Variants in CSMD1 observed in about 807,000 individuals in gnomAD.
CSMD1 encodes CUB and sushi domain-containing protein 1.
A neutral mutation model predicts 417.5 loss-of-function variants in CSMD1; 213 were observed. The ratio of observed to expected loss-of-function variants is 0.51; its 90% CI spans 0.46 to 0.57. CSMD1 has a LOEUF of 0.57. Ranked by LOEUF, CSMD1 falls within the 20% of genes least tolerant of loss-of-function variation. The pLI, the probability that CSMD1 is intolerant of heterozygous loss-of-function variation, is 0.00. For synonymous variants in CSMD1, 2,862 were observed against 1,736.8 expected (o/e 1.65, Z -16.11); for missense variants, 6,923 against 4,529.7 (o/e 1.53, Z -15.17).
At chr8:4,161,032 G>T (rs78720945) in intron 3 of CSMD1, among the ~76,000 whole-genome samples, 1 of 151,712 alleles carries the variant, frequency 6.6e-6, no homozygotes, top group Admixed American at 6.6e-5. Flanking sequence ...ATTAAATCAC[G>T]GCACTTCTTA....
chr8:3,180,640 G>C (rs991520578), intron 37 of CSMD1, among the ~76,000 whole-genome samples: 1 of 151,958 alleles, frequency 6.6e-6, no homozygotes, highest in Non-Finnish European at 1.5e-5. Context: ...TCTTTTGTTT[G>C]TTTGTTTGTT....
intron 1 of CSMD1, among the ~76,000 whole-genome samples, chr8:4,657,130 C>A (rs1392872113): frequency 1.3e-5 from 2 of 152,158 alleles, no homozygotes; most frequent in Non-Finnish European, 2.9e-5. Flanking sequence ...TCCAAAACAT[C>A]CCTGCATAGT....
At chr8:4,385,762 G>A (rs1384567273) in intron 3 of CSMD1, among the ~76,000 whole-genome samples, 1 of 152,172 alleles carries the variant, frequency 6.6e-6, no homozygotes, top group Non-Finnish European at 1.5e-5. Flanking sequence ...AGGAATTCAT[G>A]TCGATTGTAA....
intron 10 of CSMD1, among the ~76,000 whole-genome samples, chr8:3,548,403 G>C (rs955902364): frequency 2.0e-5 from 3 of 152,024 alleles, no homozygotes; most frequent in South Asian, 2.1e-4. Context: ...CACCTGAGCA[G>C]TATACACTGC....
At chr8:4,172,959 A>C (rs987143391) in intron 3 of CSMD1, among the ~76,000 whole-genome samples, 1 of 152,158 alleles carries the variant, frequency 6.6e-6, no homozygotes, top group Admixed American at 6.5e-5. Context: ...GGGCTGAGGC[A>C]GGCAGCTAAA....
At chr8:4,718,921 G>A (rs1401172673) in intron 1 of CSMD1, among the ~76,000 whole-genome samples, 3 of 151,950 alleles carry the variant, frequency 2.0e-5, no homozygotes, top group East Asian at 1.9e-4. Context: ...TAAAAAATGA[G>A]AATGTTCATT....
chr8:4,671,276 T>A (rs1289717630), intron 1 of CSMD1, among the ~76,000 whole-genome samples: 1 of 152,240 alleles, frequency 6.6e-6, no homozygotes, highest in Non-Finnish European at 1.5e-5. Context: ...TAGGGCAGGT[T>A]ACTGAATGGG....
chr8:3,720,684 G>C (rs1226580357), intron 6 of CSMD1, among the ~76,000 whole-genome samples: 1 of 149,666 alleles, frequency 6.7e-6, no homozygotes, highest in Non-Finnish European at 1.5e-5. Context: ...ATGACCCATG[G>C]GAAGCTTAAA....
intron 3 of CSMD1, among the ~76,000 whole-genome samples, chr8:4,258,575 G>A (rs1470670840): frequency 7.1e-6 from 1 of 141,446 alleles, no homozygotes; most frequent in African/African-American, 2.6e-5. Flanking sequence ...GGGAAGAATG[G>A]AAGGAAGGAG....
At chr8:2,990,335 A>G (rs1375222398) in intron 54 of CSMD1, among the ~76,000 whole-genome samples, 1 of 152,216 alleles carries the variant, frequency 6.6e-6, no homozygotes, top group Non-Finnish European at 1.5e-5. Flanking sequence ...TGTTTCAGCC[A>G]TATTTAGCAC....
intron 63 of CSMD1, among the ~76,000 whole-genome samples, 195 bp from the exon 64 acceptor site, chr8:2,955,963 A>G (rs920238163): frequency 6.6e-6 from 1 of 150,990 alleles, no homozygotes; most frequent in African/African-American, 2.4e-5. Context: ...CTGTGCTAGA[A>G]CTCCTGACCT....
At chr8:4,185,957 G>T (rs777548126) in intron 3 of CSMD1, among the ~76,000 whole-genome samples, 1 of 152,088 alleles carries the variant, frequency 6.6e-6, no homozygotes, top group Non-Finnish European at 1.5e-5. Context: ...AAGGTCTACG[G>T]TGGAATACAG....
chr8:4,318,283 T>G (rs1170067584), intron 3 of CSMD1, among the ~76,000 whole-genome samples: 1 of 152,134 alleles, frequency 6.6e-6, no homozygotes, highest in East Asian at 1.9e-4. Flanking sequence ...ATTAAAGTTT[T>G]TACTTTCTAA....
chr8:4,572,230 G>C (rs191128013), intron 2 of CSMD1, among the ~76,000 whole-genome samples: 1 of 152,122 alleles, frequency 6.6e-6, no homozygotes, highest in African/African-American at 2.4e-5. Flanking sequence ...TTTACATTTT[G>C]GTATGTTTGA....
chr8:2,953,624 A>C (rs1802795739), intron 65 of CSMD1, among the ~76,000 whole-genome samples: 1 of 152,212 alleles, frequency 6.6e-6, no homozygotes, highest in Non-Finnish European at 1.5e-5. Flanking sequence ...AATTTAAAAC[A>C]CAGAACATGC....
intron 5 of CSMD1, among the ~76,000 whole-genome samples, chr8:3,949,578 G>T (rs953713887): frequency 1.3e-5 from 2 of 152,122 alleles, no homozygotes; most frequent in Non-Finnish European, 1.5e-5. Flanking sequence ...TCTTTTGTGT[G>T]GGGGAAACTA....
At chr8:4,210,621 A>T (rs1800248558) in intron 3 of CSMD1, among the ~76,000 whole-genome samples, 1 of 152,104 alleles carries the variant, frequency 6.6e-6, no homozygotes, top group Admixed American at 6.6e-5. Context: ...TAATTAAATA[A>T]TATCTCATTA....
chr8:4,232,593 C>T (rs920379486), intron 3 of CSMD1, among the ~76,000 whole-genome samples: 2 of 152,158 alleles, frequency 1.3e-5, no homozygotes, highest in African/African-American at 4.8e-5. Flanking sequence ...TCTTGTGATC[C>T]TAACCACAGT....
At chr8:3,399,887 A>G (rs564497692) in intron 15 of CSMD1, among the ~76,000 whole-genome samples, 2 of 152,338 alleles carry the variant, frequency 1.3e-5, no homozygotes, top group South Asian at 4.1e-4. Context: ...ATCTATACAT[A>G]AGCAAATGTA....
Sources: gnomAD v4.1 joint callset for allele counts (sites outside exome capture counted in the v4.1 genomes callset) on GRCh38, gnomAD v4.1.1 for gene constraint, MANE v1.5 for transcripts, NCBI Gene and HGNC (gene_info 2026-07-23, HGNC 2026-07-21) for gene names.